Variants in SPMIP11 observed in about 807,000 individuals in gnomAD.
The protein encoded by SPMIP11 is long intergenic non-protein coding RNA 935.
the SPMIP11 span, among the ~76,000 whole-genome samples, chr12:48,729,432 G>T: frequency 6.6e-6 from 1 of 152,158 alleles, no homozygotes; most frequent in South Asian, 2.1e-4. Context: ...TACTTAGGAG[G>T]CTGAGGCAGG....
chr12:48,736,141 C>T, the SPMIP11 span: 22 of 445,748 alleles, frequency 4.9e-5, 1 homozygote, highest in South Asian at 1.7e-4. Context: ...TGGTAGCTCA[C>T]GCCTGTAATC....
chr12:48,756,036 C>A, the SPMIP11 span, among the ~76,000 whole-genome samples: 1 of 151,434 alleles, frequency 6.6e-6, no homozygotes. Context: ...TGCCACCACA[C>A]CTGGCTAATT....
chr12:48,743,641 T>C, the SPMIP11 span, among the ~76,000 whole-genome samples: 3 of 151,814 alleles, frequency 2.0e-5, no homozygotes, highest in African/African-American at 7.3e-5. Flanking sequence ...ATCCCATCTC[T>C]ATTAAAAATA....
At chr12:48,759,036 C>T in the SPMIP11 span, among the ~76,000 whole-genome samples, 2 of 152,182 alleles carry the variant, frequency 1.3e-5, no homozygotes, top group African/African-American at 4.8e-5. Context: ...ACTGTGTTCT[C>T]TCTCCCTCCC....
At chr12:48,748,833 T>A in the SPMIP11 span, among the ~76,000 whole-genome samples, 2 of 152,154 alleles carry the variant, frequency 1.3e-5, no homozygotes, top group African/African-American at 2.4e-5. Flanking sequence ...TATCTCCTAT[T>A]ATCATGAATG....
chr12:48,750,173 G>A, the SPMIP11 span, among the ~76,000 whole-genome samples: 1 of 152,064 alleles, frequency 6.6e-6, no homozygotes, highest in Admixed American at 6.6e-5. Flanking sequence ...GCAACAGAGT[G>A]AGACCTCATC....
the SPMIP11 span, among the ~76,000 whole-genome samples, chr12:48,751,298 T>C: frequency 1.3e-5 from 2 of 152,210 alleles, no homozygotes; most frequent in Non-Finnish European, 2.9e-5. Context: ...GGGAACATAC[T>C]TTGGTCTATC....
the SPMIP11 span, among the ~76,000 whole-genome samples, chr12:48,741,067 G>T: frequency 7.4e-6 from 1 of 135,066 alleles, no homozygotes; most frequent in African/African-American, 2.8e-5. Flanking sequence ...TCATGATATT[G>T]ACTTTTTTTT....
At chr12:48,755,875 C>CTTTTTTTTTT in the SPMIP11 span, among the ~76,000 whole-genome samples, 1 of 101,628 alleles carries the variant, frequency 9.8e-6, no homozygotes, top group African/African-American at 3.6e-5. Context: ...CAGTTTCTTT[C>CTTTTTTTTTT]TTTTTTTTTT....
the SPMIP11 span, among the ~76,000 whole-genome samples, chr12:48,739,606 T>C: frequency 6.6e-6 from 1 of 151,938 alleles, no homozygotes; most frequent in Non-Finnish European, 1.5e-5. Flanking sequence ...CTTACACTCA[T>C]GGTGGCAGGC....
At chr12:48,746,414 T>G in the SPMIP11 span, among the ~76,000 whole-genome samples, 1 of 147,140 alleles carries the variant, frequency 6.8e-6, no homozygotes, top group East Asian at 2.0e-4. Context: ...TTGCCCAGGC[T>G]GGAGTGCAGT....
the SPMIP11 span, among the ~76,000 whole-genome samples, chr12:48,728,614 A>G: frequency 0.015 from 2,196 of 150,374 alleles, 41 homozygotes; most frequent in African/African-American, 0.036. Context: ...AGGCTGAGGC[A>G]GGAGAATGGT....
chr12:48,756,829 T>C, the SPMIP11 span, among the ~76,000 whole-genome samples: 1 of 146,810 alleles, frequency 6.8e-6, no homozygotes, highest in African/African-American at 2.6e-5. Flanking sequence ...CAGGCTGGAG[T>C]GTAGTGGTGT....
the SPMIP11 span, among the ~76,000 whole-genome samples, chr12:48,761,637 A>G: frequency 6.6e-6 from 1 of 151,254 alleles, no homozygotes; most frequent in East Asian, 1.9e-4. Flanking sequence ...AGCATGTAGG[A>G]CATCAAAGCA....
At chr12:48,734,015 G>A in the SPMIP11 span, among the ~76,000 whole-genome samples, 11 of 146,248 alleles carry the variant, frequency 7.5e-5, no homozygotes, top group African/African-American at 2.3e-4. Flanking sequence ...CAAGTGATCC[G>A]CCTGCCTCGG....
At chr12:48,762,268 T>C in the SPMIP11 span, among the ~76,000 whole-genome samples, 3 of 145,384 alleles carry the variant, frequency 2.1e-5, no homozygotes, top group East Asian at 4.2e-4. Context: ...CCGTGTTAGC[T>C]AGAATGGTCT....
chr12:48,748,272 T>C, the SPMIP11 span, among the ~76,000 whole-genome samples: 1 of 152,264 alleles, frequency 6.6e-6, no homozygotes. Context: ...CCTAAAACTA[T>C]CATCTTCTCC....
At chr12:48,770,543 A>G in the SPMIP11 span, among the ~76,000 whole-genome samples, 2 of 152,296 alleles carry the variant, frequency 1.3e-5, no homozygotes, top group Admixed American at 6.5e-5. Context: ...TCTCTATCCA[A>G]TGAAAGGCGA....
the SPMIP11 span, among the ~76,000 whole-genome samples, chr12:48,729,707 TAAAAAAAA>T: frequency 1.8e-5 from 2 of 112,464 alleles, no homozygotes; most frequent in Non-Finnish European, 3.7e-5. Flanking sequence ...AGACTCCGTC[TAAAAAAAA>T]AAAAAAAAAA....
Sources: allele counts gnomAD v4.1 joint callset (sites outside exome capture counted in the v4.1 genomes callset), GRCh38; gene constraint gnomAD v4.1.1; transcripts MANE v1.5; gene names NCBI Gene and HGNC (gene_info 2026-07-23, HGNC 2026-07-21).